VPS9D1: variants seen among roughly 807,000 people sequenced by gnomAD.
VPS9D1 encodes VPS9 domain-containing protein 1.
Under a neutral mutation model 75.8 loss-of-function variants are expected in VPS9D1, and 78 were observed. That is an observed-to-expected ratio of 1.03 (90% CI 0.86 to 1.24). The LOEUF (loss-of-function observed/expected upper bound fraction) is 1.24. Among genes scored for constraint, VPS9D1 ranks in the 50% most tolerant of loss-of-function variants. The pLI is 0.00. For synonymous variants in VPS9D1, 481 were observed against 385.6 expected (o/e 1.25, Z -2.90); for missense variants, 1,057 against 847.7 (o/e 1.25, Z -3.07).
intron 8 of VPS9D1, 73 bp from the exon 9 acceptor site, chr16:89,711,485 T>G: frequency 7.0e-7 from 1 of 1,418,492 alleles, no homozygotes; most frequent in Middle Eastern, 1.8e-4. Flanking sequence ...CTCCCACCAG[T>G]GCCGACCCCT....
At chr16:89,718,623 G>A (rs866363746) in intron 2 of VPS9D1, among the ~76,000 whole-genome samples, 4 of 152,134 alleles carry the variant, frequency 2.6e-5, no homozygotes, top group African/African-American at 9.7e-5. Context: ...AGAGACCCCC[G>A]CCGAAGCCTG....
At chr16:89,712,302 C>CCTT in intron 6 of VPS9D1, 158 bp downstream of exon 6, 1 of 1,341,730 alleles carries the variant, frequency 7.5e-7, no homozygotes. Context: ...GGCGGCCGGG[C>CCTT]CTTCCCCTGA....
chr16:89,712,339 C>T (rs2060951645), intron 6 of VPS9D1, 121 bp downstream of exon 6: 1 of 1,446,170 alleles, frequency 6.9e-7, no homozygotes, highest in South Asian at 1.2e-5. Flanking sequence ...AGCGGGGAGC[C>T]CCTCGGCCCT....
intron 2 of VPS9D1, 60 bp downstream of exon 2, chr16:89,718,967 G>C: frequency 6.9e-7 from 1 of 1,448,956 alleles, no homozygotes; most frequent in Non-Finnish European, 9.6e-7. Context: ...GCCCGCCTCT[G>C]CCTCCCACAG....
rs573886338 is a variant in VPS9D1, at chr16:89,716,744, G to A, written c.254C>T (p.Thr85Met). 11 of 1,588,472 alleles carry A rather than the reference G, an allele frequency of 6.9e-6. No individual in the cohort carries two copies. The highest frequency in any genetic ancestry group is 6.7e-5 in the South Asian group (6 of 89,090). Residue 85 changes from threonine to methionine, a missense_variant, in exon 3 of 15, where the codon ACG becomes ATG. Coordinates refer to ENST00000389386, the MANE Select transcript of VPS9D1 (RefSeq NM_004913.3). ...AQQCLERAQS[T>M]AAKLGKTRLK... ...AGGAGACCCACCAAGCTTGGCGGCCGTCGACTGGGCCCTCTCCAGACACTG... is the reference window on the plus strand; with the variant it reads ...AGGAGACCCACCAAGCTTGGCGGCCATCGACTGGGCCCTCTCCAGACACTG...
intron 12 of VPS9D1, 64 bp from the exon 13 acceptor site, chr16:89,709,020 A>AGGGGGGCC: frequency 7.8e-7 from 1 of 1,277,898 alleles, no homozygotes; most frequent in African/African-American, 2.3e-5. Context: ...CACCCCTTAT[A>AGGGGGGCC]CCCCGCCCAC....
intron 13 of VPS9D1, 62 bp from the exon 14 acceptor site, chr16:89,708,593 C>A: frequency 6.6e-7 from 1 of 1,524,668 alleles, no homozygotes; most frequent in Non-Finnish European, 9.0e-7. Flanking sequence ...GCAAACCCAG[C>A]AGCTGTGGAG....
At chr16:89,720,669 C>T in intron 1 of VPS9D1, 94 bp downstream of exon 1, 1 of 1,254,658 alleles carries the variant, frequency 8.0e-7, no homozygotes, top group Non-Finnish European at 1.0e-6. Context: ...TCCCAAGTCT[C>T]CAGCCCGAGC....
Position 89,710,924 on chromosome 16 carries a change from G to A in VPS9D1, c.920C>T (p.Ala307Val). ...SALYPAVSRA[A>V]APAPGCCPPT... ...GGGGCAGCAGCCTGGGGCTGGCGCG[G>A]CTGCTCTGCTCACGGCGGGATACAG... Residue 307 changes from alanine (A) to valine (V), a missense_variant, in exon 10 of 15, where the codon GCC (alanine) becomes GTC (valine). Transcript: ENST00000389386. 6.7e-7 allele frequency: 1 copy of A among 1,486,838 alleles called. No individual in the cohort carries two copies. The highest frequency in any genetic ancestry group is 8.9e-7 in the Non-Finnish European group (1 of 1,123,764). 92.1% of individuals were successfully genotyped at this position (1,486,838 alleles called of 1,614,324 possible).
At chr16:89,716,322 A>G in intron 4 of VPS9D1, 140 bp downstream of exon 4, 1 of 1,270,724 alleles carries the variant, frequency 7.9e-7, no homozygotes, top group South Asian at 1.3e-5. Flanking sequence ...GCCAAGATTG[A>G]GCCGCTGCAC....
chr16:89,711,915 A>G lies in VPS9D1; in HGVS notation c.714T>C (p.Leu238=). The change falls in exon 8 of 15, where the codon CTT becomes CTC. Residue 238 remains leucine, a synonymous_variant. Transcript: ENST00000389386. ...LTPEEREQRA[L]YAAILEYEQD... ...GTTCGTACTCCAGGATGGCGGCGTA[A>G]AGGGCCCGCTGCTCCCGTTCCTCCG... 1 of 1,551,470 alleles carries G rather than the reference A, an allele frequency of 6.4e-7. No individual in the cohort carries two copies. Among genetic ancestry groups the G allele is most frequent in the African/African-American group, 1.4e-5 (1 of 73,212 alleles).
At chr16:89,711,296 G>T (rs1266621091) in intron 9 of VPS9D1, 31 bp downstream of exon 9, 1 of 1,582,156 alleles carries the variant, frequency 6.3e-7, no homozygotes, top group Non-Finnish European at 8.6e-7. Context: ...CCGGTGCGCA[G>T]GGGCTCTGTG....
At chr16:89,719,168 C>T in intron 1 of VPS9D1, 66 bp from the exon 2 acceptor site, 1 of 1,487,224 alleles carries the variant, frequency 6.7e-7, no homozygotes, top group Non-Finnish European at 9.4e-7. Flanking sequence ...TTATTCCGGC[C>T]AGGTGCCCTT....
chr16:89,712,676 T>G lies in VPS9D1; in HGVS notation c.472A>C (p.Lys158Gln), dbSNP rs1209415068. 1.5e-5 allele frequency: 24 copies of G among 1,611,812 alleles called. No homozygotes were observed. Among genetic ancestry groups the G allele is most frequent in the Non-Finnish European group, 2.0e-5 (23 of 1,178,672 alleles). Residue 158 changes from lysine to glutamine, a missense_variant, in exon 5 of 15, where the codon AAG becomes CAG. Lys to Gln is a moderately conservative substitution (Grantham distance 53, BLOSUM62 1). Transcript: ENST00000389386. ...PLEEASLQNQ[K>Q]LKAAYEARMA... ...CGGGCCTCATACGCAGCCTTCAGCT[T>G]CTGATTCTGCAGGGAGGCCTCCTCC...
chr16:89,710,988 G>C lies in VPS9D1; in HGVS notation c.856C>G (p.Gln286Glu). The C allele has an allele frequency of 6.9e-7, 1 of 1,440,938 alleles. No homozygotes were observed. 89.3% of individuals were successfully genotyped at this position (1,440,938 alleles called of 1,614,324 possible). ...LLSLPDHPIA[Q>E]LLRRLQCSVY... ...GAGCACTGCAGCCGCCTCAGGAGCT[G>C]CGCGATCGGGTGGTCGGGGAGGCTG... is the stretch of plus-strand genomic sequence containing the variant. The change falls in exon 10 of 15, where the codon CAG becomes GAG. Residue 286 changes from glutamine to glutamate, a missense_variant. Physicochemically the swap from Gln to Glu is conservative, Grantham distance 29. Transcript: ENST00000389386.
chr16:89,720,671 A>T (rs1597949271), intron 1 of VPS9D1, 92 bp downstream of exon 1: 1 of 1,261,130 alleles, frequency 7.9e-7, no homozygotes, highest in Non-Finnish European at 1.0e-6. Context: ...CCAAGTCTCC[A>T]GCCCGAGCCG....
At chr16:89,720,658 C>T (rs987310121) in intron 1 of VPS9D1, 105 bp downstream of exon 1, 127 of 1,238,950 alleles carry the variant, frequency 1.0e-4, no homozygotes, top group Non-Finnish European at 1.2e-4. Flanking sequence ...CTGGCGCCCG[C>T]TCCCAAGTCT....
chr16:89,713,800 A>T (rs2060997620), intron 4 of VPS9D1, among the ~76,000 whole-genome samples: 1 of 151,632 alleles, frequency 6.6e-6, no homozygotes, highest in Non-Finnish European at 1.5e-5. Flanking sequence ...TGAGGTCAGG[A>T]GATTGAGACC....
intron 12 of VPS9D1, 129 bp from the exon 13 acceptor site, chr16:89,709,085 T>C (rs932946272): frequency 1.6e-6 from 2 of 1,279,792 alleles, no homozygotes; most frequent in Non-Finnish European, 1.0e-6. Flanking sequence ...CCTGGCGATG[T>C]TGCTCAGACA....
Sources: allele counts gnomAD v4.1 joint callset (sites outside exome capture counted in the v4.1 genomes callset), GRCh38; gene constraint gnomAD v4.1.1; transcripts MANE v1.5; gene names NCBI Gene and HGNC (gene_info 2026-07-23, HGNC 2026-07-21).